The following MGAT5 variants were observed in gnomAD, a reference collection of about 807,000 sequenced individuals.
MGAT5 encodes alpha-1,6-mannosylglycoprotein 6-beta-N-acetylglucosaminyltransferase A.
Under a neutral mutation model 94.3 loss-of-function variants are expected in MGAT5, and 30 were observed. The observed-to-expected ratio is 0.32, with a 90% confidence interval of 0.24 to 0.43. The LOEUF is 0.43. Among genes scored for constraint, MGAT5 ranks in the 20% least tolerant of loss-of-function variants. The pLI is 1.00. For synonymous variants in MGAT5, 310 were observed against 322.9 expected, an observed-to-expected ratio of 0.96 and a Z score of 0.43; for missense variants, 691 against 905.5, an observed-to-expected ratio of 0.76 and a Z score of 3.04.
intron 1 of MGAT5, among the ~76,000 whole-genome samples, chr2:134,228,817 A>T (rs1245365956): frequency 6.6e-6 from 1 of 152,124 alleles, no homozygotes. Context: ...CCTGCACCAT[A>T]GAGGGCACCA....
In MGAT5 at chr2:134,450,451, C is replaced by CT. The variant is rs1686039204; in HGVS notation, c.*1605dup. The CT allele has an allele frequency of 6.6e-6, 1 of 152,258 alleles. No individual in the cohort carries two copies. Among genetic ancestry groups the CT allele is most frequent in the African/African-American group, 2.4e-5 (1 of 41,468 alleles). The allele number at this position is 152,258 out of a possible 1,614,324, so 9.4% of individuals were successfully genotyped here. A position where few individuals can be genotyped will look rare whatever the true frequency, so the allele number is the denominator to read the frequency against. On this transcript the variant is annotated 3_prime_UTR_variant, in exon 16 of 16. Transcript: ENST00000281923. ...AAGGAAGAATTCCGCTTCATGGGGA[C>CT]TAGAGTTAGTGTGGGGCCTTTAAGT...
At chr2:134,388,778 G>A (rs1442372929) in intron 10 of MGAT5, among the ~76,000 whole-genome samples, 1 of 131,494 alleles carries the variant, frequency 7.6e-6, no homozygotes, top group Admixed American at 7.9e-5. Flanking sequence ...GGGGTGGGGG[G>A]GTGGTCGGAG....
At chr2:134,129,186 A>G (rs1573707629) in intron 1 of MGAT5, among the ~76,000 whole-genome samples, 1 of 152,192 alleles carries the variant, frequency 6.6e-6, no homozygotes, top group Middle Eastern at 3.4e-3. Flanking sequence ...TGCCTTTTCT[A>G]GCTTCTAGAG....
At chr2:134,394,055 A>G (rs1682568022) in intron 10 of MGAT5, among the ~76,000 whole-genome samples, 1 of 152,156 alleles carries the variant, frequency 6.6e-6, no homozygotes, top group South Asian at 2.1e-4. Flanking sequence ...GCCCTGCCTC[A>G]CACGCCTTTT....
chr2:134,283,417 A>G (rs903864003), intron 2 of MGAT5, among the ~76,000 whole-genome samples: 5 of 152,196 alleles, frequency 3.3e-5, no homozygotes, highest in African/African-American at 9.6e-5. Flanking sequence ...AACCAAAACT[A>G]AGGAGCCTCG....
intron 13 of MGAT5, among the ~76,000 whole-genome samples, chr2:134,425,739 A>G (rs1471345748): frequency 6.6e-6 from 1 of 152,142 alleles, no homozygotes. Context: ...TGGAAAGGTG[A>G]GTTGGTACTA....
chr2:134,186,002 G>A (rs185342316), intron 1 of MGAT5, among the ~76,000 whole-genome samples: 20 of 152,320 alleles, frequency 1.3e-4, no homozygotes, highest in African/African-American at 4.1e-4. Context: ...ATGAGGAACC[G>A]TAGATTATGA....
rs185597870 is a variant in MGAT5, at chr2:134,244,510, T to A, written c.-142-9752T>A. ...ACAGCACTGAGAGATGTGGAGAAAA[T>A]GAGACTCATTTATCAGTCACCTTGA... On this transcript the variant is annotated intron_variant, in intron 1 of 16. Coordinates refer to the MGAT5 transcript ENST00000409645. Among the ~76,000 whole-genome samples the A allele has an allele frequency of 2.6e-5, 4 of 152,220 alleles. No homozygotes were observed. The East Asian group carries it at 7.7e-4, about 29-fold the overall frequency.
intron 2 of MGAT5, among the ~76,000 whole-genome samples, chr2:134,286,548 C>T (rs1685015130): frequency 1.3e-5 from 2 of 152,098 alleles, no homozygotes; most frequent in South Asian, 4.2e-4. Flanking sequence ...TTTCCTGCCT[C>T]AGCCTCCCAA....
chr2:134,346,508 C>T (rs1688931738), intron 8 of MGAT5, among the ~76,000 whole-genome samples: 2 of 152,122 alleles, frequency 1.3e-5, no homozygotes, highest in African/African-American at 4.8e-5. Flanking sequence ...AAAGCCTACT[C>T]AGATCCTCTT....
intron 2 of MGAT5, among the ~76,000 whole-genome samples, chr2:134,285,434 G>T (rs1411761839): frequency 6.6e-6 from 1 of 151,992 alleles, no homozygotes; most frequent in East Asian, 1.9e-4. Flanking sequence ...GATCATTGTG[G>T]TGAACATAAA....
intron 13 of MGAT5, among the ~76,000 whole-genome samples, chr2:134,426,372 A>G (rs1684589441): frequency 6.6e-6 from 1 of 152,210 alleles, no homozygotes; most frequent in Non-Finnish European, 1.5e-5. Context: ...CTAGGTTGGT[A>G]GGAGAACAGA....
intron 1 of MGAT5, among the ~76,000 whole-genome samples, chr2:134,260,735 G>T (rs374374873): frequency 6.7e-5 from 9 of 135,112 alleles, no homozygotes; most frequent in African/African-American, 2.3e-4. Flanking sequence ...TGGGACTGTT[G>T]TGGGATAATG....
intron 2 of MGAT5, among the ~76,000 whole-genome samples, chr2:134,282,017 G>A (rs545607815): frequency 1.3e-5 from 2 of 152,338 alleles, no homozygotes; most frequent in East Asian, 3.9e-4. Flanking sequence ...CTCATCAGTG[G>A]TTCACAGAAT....
intron 1 of MGAT5, among the ~76,000 whole-genome samples, chr2:134,154,950 CAAA>C (rs762819256): frequency 6.6e-6 from 1 of 152,118 alleles, no homozygotes; most frequent in Non-Finnish European, 1.5e-5. Context: ...CCCTTCTAAA[CAAA>C]GAACAGACTT....
intron 5 of MGAT5, among the ~76,000 whole-genome samples, chr2:134,337,344 G>A (rs1364231787): frequency 1.3e-5 from 2 of 152,106 alleles, no homozygotes; most frequent in African/African-American, 4.8e-5. Context: ...GCGTGGTGGC[G>A]AGTGCCTATA....
chr2:134,143,661 G>T (rs926089142), intron 1 of MGAT5, among the ~76,000 whole-genome samples: 2 of 152,212 alleles, frequency 1.3e-5, no homozygotes, highest in African/African-American at 4.8e-5. Flanking sequence ...GGAATGGTTG[G>T]CTGAGGATAA....
chr2:134,179,714 C>T lies in MGAT5; in HGVS notation c.-143+59423C>T, dbSNP rs78282618. Among the ~76,000 whole-genome samples the T allele has an allele frequency of 7.6e-3, 1,160 of 152,302 alleles. 19 individuals carry two copies. The highest frequency in any genetic ancestry group is 0.027 in the African/African-American group (1,110 of 41,572). ...TTCATATCTGCTTCATGCTCTTTTA[C>T]ACTTCTGAATCTGTCAGAGGCATTT... On this transcript the variant is annotated intron_variant, in intron 1 of 16. Transcript: ENST00000409645.
At chr2:134,141,438 T>C (rs2104956597) in intron 1 of MGAT5, among the ~76,000 whole-genome samples, 1 of 148,674 alleles carries the variant, frequency 6.7e-6, no homozygotes, top group East Asian at 2.0e-4. Flanking sequence ...GGGACATTTT[T>C]GTTGAATAGA....
Sources: gnomAD v4.1 joint callset for allele counts (sites outside exome capture counted in the v4.1 genomes callset) on GRCh38, gnomAD v4.1.1 for gene constraint, MANE v1.5 for transcripts, NCBI Gene and HGNC (gene_info 2026-07-23, HGNC 2026-07-21) for gene names.